Variants in KAT6B observed in about 807,000 individuals in gnomAD.
The protein encoded by KAT6B is histone acetyltransferase KAT6B.
A neutral mutation model predicts 187.5 loss-of-function variants in KAT6B; 10 were observed. The observed-to-expected ratio is 0.05, with a 90% CI of 0.03 to 0.09. The LOEUF (loss-of-function observed/expected upper bound fraction) is 0.09. Ranked by LOEUF, KAT6B falls within the 10% of genes least tolerant of loss-of-function variation. The pLI is 1.00. For synonymous variants in KAT6B, 861 were observed against 926.8 expected (o/e 0.93, Z 1.29); for missense variants, 1,952 against 2,558.9 (o/e 0.76, Z 5.12).
At chr10:74,877,334 A>G (rs948585614) in intron 3 of KAT6B, among the ~76,000 whole-genome samples, 3 of 152,214 alleles carry the variant, frequency 2.0e-5, no homozygotes, top group Non-Finnish European at 4.4e-5. Flanking sequence ...GTTAAAATGT[A>G]TCAAAATAAT....
chr10:75,021,806 T>C, intron 15 of KAT6B, 75 bp from the exon 16 acceptor site: 1 of 1,526,244 alleles, frequency 6.6e-7, no homozygotes, highest in Non-Finnish European at 9.0e-7. Flanking sequence ...TAGAGACACT[T>C]TGCCATTGAT....
chr10:74,872,093 C>CCT (rs1844029355), intron 3 of KAT6B, among the ~76,000 whole-genome samples: 1 of 152,180 alleles, frequency 6.6e-6, no homozygotes, highest in African/African-American at 2.4e-5. Context: ...CTAACAGTAA[C>CCT]CTAAGGGAAA....
At chr10:74,847,837 T>C (rs1217697704) in intron 3 of KAT6B, among the ~76,000 whole-genome samples, 3 of 151,980 alleles carry the variant, frequency 2.0e-5, no homozygotes, top group Non-Finnish European at 4.4e-5. Context: ...TGAACTTGGG[T>C]GGGTATCCCA....
intron 13 of KAT6B, among the ~76,000 whole-genome samples, chr10:75,017,613 C>CA (rs540194584): frequency 2.7e-4 from 39 of 144,148 alleles, no homozygotes; most frequent in East Asian, 6.0e-4. Flanking sequence ...GTCTCTGTCT[C>CA]AAAAAAAAAA....
chr10:75,001,877 C>T (rs1843857947), intron 13 of KAT6B, among the ~76,000 whole-genome samples: 1 of 152,146 alleles, frequency 6.6e-6, no homozygotes, highest in Non-Finnish European at 1.5e-5. Flanking sequence ...GGAACCAGGG[C>T]TGTGCAGGAG....
chr10:74,876,622 GA>G (rs1844431050), intron 3 of KAT6B, among the ~76,000 whole-genome samples: 1 of 152,064 alleles, frequency 6.6e-6, no homozygotes, highest in South Asian at 2.1e-4. Flanking sequence ...CTTGATAAAA[GA>G]AAACTTTTGG....
At chr10:74,918,289 G>A (rs1210455712) in intron 3 of KAT6B, among the ~76,000 whole-genome samples, 1 of 152,166 alleles carries the variant, frequency 6.6e-6, no homozygotes, top group Non-Finnish European at 1.5e-5. Context: ...AAAAACTCCT[G>A]CTCTTGTTCT....
intron 3 of KAT6B, among the ~76,000 whole-genome samples, chr10:74,950,019 G>A (rs993082143): frequency 2.6e-5 from 4 of 152,046 alleles, no homozygotes; most frequent in Admixed American, 6.6e-5. Flanking sequence ...CACAGAGCTC[G>A]GGGGGATGAT....
intron 16 of KAT6B, among the ~76,000 whole-genome samples, chr10:75,022,495 G>A (rs1012648626): frequency 6.6e-5 from 10 of 152,166 alleles, no homozygotes; most frequent in Non-Finnish European, 1.5e-4. Context: ...TGGTCTGCAG[G>A]AGTAGAGTAA....
intron 3 of KAT6B, among the ~76,000 whole-genome samples, chr10:74,953,746 C>G (rs565230939): frequency 2.6e-5 from 4 of 152,146 alleles, no homozygotes; most frequent in African/African-American, 9.6e-5. Context: ...CTTTTTGTGT[C>G]ATTGTCAGGA....
At chr10:74,944,625 C>T (rs1208444154) in intron 3 of KAT6B, among the ~76,000 whole-genome samples, 15 of 151,746 alleles carry the variant, frequency 9.9e-5, no homozygotes, top group Non-Finnish European at 1.8e-4. Flanking sequence ...CTGGCTAAAA[C>T]GGTGAAACCC....
intron 13 of KAT6B, among the ~76,000 whole-genome samples, chr10:74,991,590 C>A (rs1288502878): frequency 6.6e-6 from 1 of 152,166 alleles, no homozygotes. Context: ...TGCTGTCCAC[C>A]AGGATGTGAG....
chr10:74,864,363 C>T (rs1178203427), intron 3 of KAT6B, among the ~76,000 whole-genome samples: 1 of 152,170 alleles, frequency 6.6e-6, no homozygotes, highest in Non-Finnish European at 1.5e-5. Context: ...GCCTCAGCCT[C>T]CTGAATAGCT....
chr10:74,875,011 T>C (rs945774620), intron 3 of KAT6B, among the ~76,000 whole-genome samples: 2 of 152,186 alleles, frequency 1.3e-5, no homozygotes, highest in East Asian at 3.8e-4. Flanking sequence ...TGATGACACA[T>C]TGTAATTGCA....
Position 75,028,901 on chromosome 10 carries a change from GGAA to G in KAT6B, c.4080_4082del (p.Glu1368del). ...AGGAAGAGGAAGAGGAGGAGGAGGA[GGAA>G]GAGGAAGAAGAGGAAGAAGAGGAAG... is the stretch of plus-strand genomic sequence containing the variant. On this transcript the variant is annotated inframe_deletion, in exon 18 of 18. Coordinates refer to ENST00000287239, the MANE Select transcript of KAT6B (RefSeq NM_012330.4). The G allele has an allele frequency of 6.2e-7, 1 of 1,609,454 alleles. No homozygotes were observed. The highest frequency in any genetic ancestry group is 1.1e-5 in the South Asian group (1 of 90,870).
rs568628764 is a variant in KAT6B at position 74,988,658 on chromosome 10, A to G, written c.2536-361A>G. Among the ~76,000 whole-genome samples, 4 of 152,308 alleles carry G rather than the reference A, an allele frequency of 2.6e-5. No individual in the cohort carries two copies. In the East Asian group the frequency reaches 5.8e-4, roughly 22 times the overall value. The stretch of plus-strand genomic sequence containing the variant: ...AGCCAGCTAAATCCTAACTTACTCC[A>G]CTGGGTGACTCCCTGGGATGTTATT... On this transcript the variant is annotated intron_variant, in intron 12 of 17. Transcript: ENST00000287239.
chr10:74,867,389 A>G (rs1843628210), intron 3 of KAT6B, among the ~76,000 whole-genome samples: 1 of 152,138 alleles, frequency 6.6e-6, no homozygotes, highest in Non-Finnish European at 1.5e-5. Context: ...TTGCCTCTTG[A>G]ACAATGAAAG....
In KAT6B at chr10:74,858,265, T is replaced by C. The variant is rs146921368; in HGVS notation, c.621+14787T>C. Reference sequence around the variant, plus strand: ...CTAATAGCTTCAGAGTTTTTAACAATAGAAGTTTGGATGGGCAATTTTTTT... The same window carrying C: ...CTAATAGCTTCAGAGTTTTTAACAACAGAAGTTTGGATGGGCAATTTTTTT... On this transcript the variant is annotated intron_variant, in intron 3 of 17. Transcript: ENST00000287239. 6.7e-3 allele frequency among the ~76,000 whole-genome samples: 1,006 copies of C among 150,828 alleles called. 9 individuals are homozygous for C. The highest frequency in any genetic ancestry group is 8.4e-3 in the Non-Finnish European group (570 of 67,874).
At chr10:74,878,234 A>G (rs1730297476) in intron 3 of KAT6B, among the ~76,000 whole-genome samples, 1 of 152,234 alleles carries the variant, frequency 6.6e-6, no homozygotes, top group African/African-American at 2.4e-5. Flanking sequence ...TGACTTGTTC[A>G]GTCAGTGACT....
Sources: gnomAD v4.1 joint callset for allele counts (sites outside exome capture counted in the v4.1 genomes callset) on GRCh38, gnomAD v4.1.1 for gene constraint, MANE v1.5 for transcripts, NCBI Gene and HGNC (gene_info 2026-07-23, HGNC 2026-07-21) for gene names.